Variants in STK3 observed in about 807,000 individuals in gnomAD.
The protein encoded by STK3 is serine/threonine kinase 3, also known as serine/threonine-protein kinase 3.
A neutral mutation model predicts 58.0 loss-of-function variants in STK3; 41 were observed. The observed-to-expected ratio is 0.71, with a 90% confidence interval of 0.55 to 0.92. The LOEUF (loss-of-function observed/expected upper bound fraction) is 0.92, where lower values mean the gene tolerates loss of function less well. Among genes scored for constraint, STK3 ranks in the 40% least tolerant of loss-of-function variants. The pLI is 0.00. For missense variants in STK3, 479 were observed against 602.7 expected (o/e 0.79, Z 2.15); for synonymous variants, 170 against 191.0 (o/e 0.89, Z 0.91).
chr8:98,611,944 T>C (rs537373242), intron 6 of STK3, among the ~76,000 whole-genome samples: 47 of 151,788 alleles, frequency 3.1e-4, no homozygotes, highest in Non-Finnish European at 5.7e-4. Context: ...ATAAATAGAA[T>C]GGGAGAAACT....
At chr8:98,937,955 C>A (rs569162796) in intron 1 of STK3, among the ~76,000 whole-genome samples, 1 of 152,286 alleles carries the variant, frequency 6.6e-6, no homozygotes, top group Non-Finnish European at 1.5e-5. Flanking sequence ...AAAGAGATTA[C>A]CACATTCCTG....
intron 1 of STK3, among the ~76,000 whole-genome samples, chr8:98,928,135 A>T (rs1839871876): frequency 6.6e-6 from 1 of 152,236 alleles, no homozygotes; most frequent in Admixed American, 6.5e-5. Context: ...GCATCCTACA[A>T]CACGCATGCC....
At chr8:98,433,167 A>G (rs1049558000) in intron 3 of STK3, among the ~76,000 whole-genome samples, 1 of 152,104 alleles carries the variant, frequency 6.6e-6, no homozygotes, top group East Asian at 1.9e-4. Flanking sequence ...ATCTCGAACC[A>G]CTAGCCTCCT....
At chr8:98,907,075 T>C (rs1296440669) in intron 1 of STK3, among the ~76,000 whole-genome samples, 2 of 151,966 alleles carry the variant, frequency 1.3e-5, no homozygotes, top group East Asian at 1.9e-4. Flanking sequence ...AGATAATTGC[T>C]TGAGCCCAGG....
chr8:98,390,024 G>C (rs1817833750), upstream of STK3, among the ~76,000 whole-genome samples: 1 of 151,972 alleles, frequency 6.6e-6, no homozygotes, highest in Non-Finnish European at 1.5e-5. Flanking sequence ...ATGTGCCCTT[G>C]GAGTACCCTC....
At chr8:98,797,815 T>C (rs923583189) in intron 1 of STK3, among the ~76,000 whole-genome samples, 3 of 152,182 alleles carry the variant, frequency 2.0e-5, no homozygotes, top group Admixed American at 6.5e-5. Context: ...TGTCCAGAGT[T>C]AGCATTTTCC....
At chr8:98,488,435 T>C (rs941311103) in intron 10 of STK3, among the ~76,000 whole-genome samples, 3 of 152,168 alleles carry the variant, frequency 2.0e-5, no homozygotes, top group Admixed American at 2.0e-4. Flanking sequence ...TTCTCCCTAG[T>C]GGTAACAAAA....
At chr8:98,803,099 G>A (rs1011738652) in intron 1 of STK3, among the ~76,000 whole-genome samples, 1 of 152,094 alleles carries the variant, frequency 6.6e-6, no homozygotes, top group Non-Finnish European at 1.5e-5. Context: ...GTTTCATACG[G>A]TTTCTCAAAT....
intron 4 of STK3, among the ~76,000 whole-genome samples, chr8:98,709,815 C>T (rs558077277): frequency 4.7e-4 from 72 of 152,130 alleles, no homozygotes; most frequent in African/African-American, 1.7e-3. Flanking sequence ...ATACAAAAAA[C>T]CCAAAGTAAA....
At chr8:98,382,899 G>A (rs1056143710) in intron 1 of STK3, among the ~76,000 whole-genome samples, 1 of 152,168 alleles carries the variant, frequency 6.6e-6, no homozygotes, top group Non-Finnish European at 1.5e-5. Flanking sequence ...GCATGGCAGC[G>A]TTTCAAAGTC....
intron 6 of STK3, among the ~76,000 whole-genome samples, chr8:98,691,582 G>A (rs1326171108): frequency 1.3e-5 from 2 of 152,036 alleles, no homozygotes; most frequent in Admixed American, 6.6e-5. Context: ...CACCAGCATA[G>A]AAACAACAAG....
chr8:98,661,259 G>C (rs1035184535), intron 6 of STK3, among the ~76,000 whole-genome samples: 13 of 151,990 alleles, frequency 8.6e-5, no homozygotes, highest in African/African-American at 2.7e-4. Context: ...TTGAAAATAA[G>C]GAAATGCTTC....
chr8:98,724,134 G>A (rs944632549), intron 4 of STK3, among the ~76,000 whole-genome samples: 1 of 152,138 alleles, frequency 6.6e-6, no homozygotes, highest in Non-Finnish European at 1.5e-5. Context: ...AATACTAAGC[G>A]ATGCCTGCAA....
intron 9 of STK3, among the ~76,000 whole-genome samples, chr8:98,542,518 A>G (rs183690080): frequency 7.1e-4 from 108 of 152,320 alleles, no homozygotes; most frequent in Middle Eastern, 3.4e-3. Flanking sequence ...AGAGAGATGG[A>G]GCAAGGTCTT....
chr8:98,431,312 G>A (rs893992993), intron 3 of STK3: 1 of 167,118 alleles, frequency 6.0e-6, no homozygotes, highest in Admixed American at 6.5e-5. Flanking sequence ...GAGGCTTGTG[G>A]GAGGCTGGGA....
intron 1 of STK3, among the ~76,000 whole-genome samples, chr8:98,821,564 G>A (rs1834903367): frequency 6.6e-6 from 1 of 151,526 alleles, no homozygotes; most frequent in Non-Finnish European, 1.5e-5. Flanking sequence ...GGGAGGCTGA[G>A]GTGAGAGGAT....
At chr8:98,352,136 CAAA>C in the STK3 span, among the ~76,000 whole-genome samples, 51 of 110,430 alleles carry the variant, frequency 4.6e-4, no homozygotes, top group African/African-American at 1.3e-3. Flanking sequence ...GACTCTGTCT[CAAA>C]AAAAAAAAAA....
At chr8:98,435,387 G>T (rs567943798) in intron 2 of STK3, among the ~76,000 whole-genome samples, 109 of 152,340 alleles carry the variant, frequency 7.2e-4, no homozygotes, top group African/African-American at 2.5e-3. Context: ...AGGTGCAGAT[G>T]GGGGGCAGAA....
intron 10 of STK3, among the ~76,000 whole-genome samples, chr8:98,526,064 A>G (rs944468226): frequency 3.3e-5 from 5 of 151,922 alleles, no homozygotes; most frequent in African/African-American, 1.2e-4. Flanking sequence ...TTACTCCATA[A>G]AATTTTCACT....
Sources: gnomAD v4.1 joint callset for allele counts (sites outside exome capture counted in the v4.1 genomes callset) on GRCh38, gnomAD v4.1.1 for gene constraint, MANE v1.5 for transcripts, NCBI Gene and HGNC (gene_info 2026-07-23, HGNC 2026-07-21) for gene names.